The following LDLRAD4 variants were observed in gnomAD, a reference collection of about 807,000 sequenced individuals.
The protein encoded by LDLRAD4 is low density lipoprotein receptor class A domain containing 4, also known as low-density lipoprotein receptor class A domain-containing protein 4.
A neutral mutation model predicts 17.0 loss-of-function variants in LDLRAD4; 5 were observed. The ratio of observed to expected loss-of-function variants is 0.29; its 90% confidence interval spans 0.15 to 0.62. LDLRAD4 has a LOEUF of 0.62. Among genes scored for constraint, LDLRAD4 ranks in the 20% least tolerant of loss-of-function variants. The pLI, the probability that LDLRAD4 is intolerant of heterozygous loss-of-function variation, is 0.84. For missense variants in LDLRAD4, 340 were observed against 424.7 expected (o/e 0.80, Z 1.75); for synonymous variants, 168 against 171.8 (o/e 0.98, Z 0.17).
intron 3 of LDLRAD4, among the ~76,000 whole-genome samples, chr18:13,579,146 C>T (rs563925978): frequency 3.0e-4 from 46 of 151,926 alleles, no homozygotes; most frequent in African/African-American, 9.7e-4. Context: ...GCCGAGATCG[C>T]ACCACTGTAC....
At chr18:13,589,691 T>C (rs1341163983) in intron 3 of LDLRAD4, among the ~76,000 whole-genome samples, 1 of 151,974 alleles carries the variant, frequency 6.6e-6, no homozygotes, top group Non-Finnish European at 1.5e-5. Flanking sequence ...GTTTGCTTGG[T>C]AGGGCCTGAC....
At chr18:13,295,324 A>G (rs2046212029) in intron 1 of LDLRAD4, among the ~76,000 whole-genome samples, 1 of 152,100 alleles carries the variant, frequency 6.6e-6, no homozygotes, top group South Asian at 2.1e-4. Flanking sequence ...CTCAAAGTTG[A>G]TTATGTTGTA....
intron 3 of LDLRAD4, among the ~76,000 whole-genome samples, chr18:13,531,640 G>A (rs1051707508): frequency 4.8e-5 from 7 of 146,004 alleles, no homozygotes; most frequent in Non-Finnish European, 6.0e-5. Flanking sequence ...ACAATGTCAT[G>A]GGGAGAGGTT....
At chr18:13,483,576 G>C (rs963244087) in intron 3 of LDLRAD4, among the ~76,000 whole-genome samples, 2 of 152,208 alleles carry the variant, frequency 1.3e-5, no homozygotes, top group East Asian at 3.8e-4. Flanking sequence ...GAGGCATGTG[G>C]GTGCTGTGCC....
chr18:13,259,912 G>A (rs2043720666), intron 1 of LDLRAD4, among the ~76,000 whole-genome samples: 1 of 152,240 alleles, frequency 6.6e-6, no homozygotes, highest in African/African-American at 2.4e-5. Context: ...CCCAGGAGGG[G>A]AACGTGTGGT....
Position 13,413,583 on chromosome 18 carries a change from A to G in LDLRAD4, c.41-24661A>G, listed in dbSNP as rs569912109. Among the ~76,000 whole-genome samples, 5 of 152,352 alleles carry G rather than the reference A, an allele frequency of 3.3e-5. No homozygotes were observed. In the South Asian group the frequency reaches 8.3e-4, roughly 25 times the overall value. On this transcript the variant is annotated intron_variant, in intron 2 of 5. Coordinates refer to ENST00000359446, the Ensembl canonical transcript of LDLRAD4. ...CAGCCTGGTAGAATGTGATTTGGGA[A>G]AAGGGATAATGTCTTCAATTGAGTA...
chr18:13,483,685 C>T (rs1289186969), intron 3 of LDLRAD4, among the ~76,000 whole-genome samples: 1 of 152,208 alleles, frequency 6.6e-6, no homozygotes. Flanking sequence ...ATTTAATCTT[C>T]CCCATCTCTG....
chr18:13,530,370 T>C (rs943518530), intron 3 of LDLRAD4, among the ~76,000 whole-genome samples: 2 of 152,226 alleles, frequency 1.3e-5, no homozygotes, highest in East Asian at 1.9e-4. Context: ...CAGCTGTTAA[T>C]GGACAGTCTT....
chr18:13,464,790 C>G (rs932951145), intron 3 of LDLRAD4, among the ~76,000 whole-genome samples: 2 of 132,960 alleles, frequency 1.5e-5, no homozygotes, highest in Admixed American at 7.6e-5. Flanking sequence ...CCCCCACCCC[C>G]ACCCCCACCC....
chr18:13,292,940 G>C (rs991903568), intron 1 of LDLRAD4, among the ~76,000 whole-genome samples: 1 of 152,218 alleles, frequency 6.6e-6, no homozygotes, highest in Non-Finnish European at 1.5e-5. Context: ...GAGGCCATGC[G>C]GATTCCACGA....
chr18:13,373,725 T>C (rs113766593), intron 1 of LDLRAD4, among the ~76,000 whole-genome samples: 1 of 152,216 alleles, frequency 6.6e-6, no homozygotes, highest in Non-Finnish European at 1.5e-5. Flanking sequence ...ACCTGGCAGT[T>C]TATGTGGTAT....
chr18:13,247,100 C>T (rs1385933437), intron 1 of LDLRAD4, among the ~76,000 whole-genome samples: 1 of 152,106 alleles, frequency 6.6e-6, no homozygotes, highest in Admixed American at 6.6e-5. Context: ...CTTTTAAATT[C>T]CAACCAGGCT....
At chr18:13,368,660 A>G (rs1332843401) in intron 1 of LDLRAD4, among the ~76,000 whole-genome samples, 1 of 152,170 alleles carries the variant, frequency 6.6e-6, no homozygotes, top group African/African-American at 2.4e-5. Flanking sequence ...AGATTTCTCC[A>G]GTCACTTTTA....
intron 1 of LDLRAD4, among the ~76,000 whole-genome samples, chr18:13,257,149 C>T (rs530666042): frequency 1.1e-4 from 16 of 152,324 alleles, no homozygotes; most frequent in Admixed American, 7.8e-4. Context: ...GCGGGACAGA[C>T]GTGCACAGCC....
At chr18:13,637,304 C>T (rs1000476500) in intron 4 of LDLRAD4, among the ~76,000 whole-genome samples, 8 of 151,966 alleles carry the variant, frequency 5.3e-5, no homozygotes, top group Non-Finnish European at 1.0e-4. Context: ...TATGCAGTGG[C>T]GGGCCATTGG....
chr18:13,434,876 GT>G (rs1305049436), intron 2 of LDLRAD4, among the ~76,000 whole-genome samples: 2 of 152,230 alleles, frequency 1.3e-5, no homozygotes, highest in Non-Finnish European at 2.9e-5. Flanking sequence ...CTCTTTCTCA[GT>G]AGACAGTGGT....
chr18:13,297,859 G>T (rs1186852990), intron 1 of LDLRAD4, among the ~76,000 whole-genome samples: 1 of 152,226 alleles, frequency 6.6e-6, no homozygotes, highest in Non-Finnish European at 1.5e-5. Flanking sequence ...TGGTATCTAA[G>T]ATGCTGGACA....
chr18:13,486,447 A>G (rs935586119), intron 3 of LDLRAD4: 1 of 152,270 alleles, frequency 6.6e-6, no homozygotes. Flanking sequence ...TAGATAGTGC[A>G]TAAATCATCA....
At chr18:13,220,107 G>T (rs2041367663) in intron 1 of LDLRAD4, among the ~76,000 whole-genome samples, 1 of 152,192 alleles carries the variant, frequency 6.6e-6, no homozygotes, top group African/African-American at 2.4e-5. Flanking sequence ...TTATTTGATG[G>T]ACCTTTCTAA....
Sources: allele counts gnomAD v4.1 joint callset (sites outside exome capture counted in the v4.1 genomes callset), GRCh38; gene constraint gnomAD v4.1.1; transcripts MANE v1.5; gene names NCBI Gene and HGNC (gene_info 2026-07-23, HGNC 2026-07-21).